Variants in NCBP1 observed in about 807,000 individuals in gnomAD.
The protein encoded by NCBP1 is nuclear cap binding protein subunit 1.
In NCBP1, 16 loss-of-function variants were observed where a neutral mutation model predicts 111.7. The ratio of observed to expected loss-of-function variants is 0.14; its 90% CI spans 0.10 to 0.22. The LOEUF (loss-of-function observed/expected upper bound fraction) is 0.22, where lower values mean the gene tolerates loss of function less well. Among genes scored for constraint, NCBP1 ranks in the 10% least tolerant of loss-of-function variants. The pLI is 1.00. For synonymous variants in NCBP1, 304 were observed against 314.3 expected (o/e 0.97, Z 0.35); for missense variants, 607 against 957.5 (o/e 0.63, Z 4.83).
chr9:97,655,430 A>C (rs1827624027), intron 12 of NCBP1, among the ~76,000 whole-genome samples: 1 of 151,956 alleles, frequency 6.6e-6, no homozygotes, highest in Non-Finnish European at 1.5e-5. Flanking sequence ...ATCATCTTTT[A>C]TATGGAGAAA....
At chr9:97,635,414 C>CTTTTTTTTTT (rs5899316) in intron 1 of NCBP1, among the ~76,000 whole-genome samples, 1 of 141,962 alleles carries the variant, frequency 7.0e-6, no homozygotes, top group African/African-American at 2.7e-5. Flanking sequence ...AATTCCCTCC[C>CTTTTTTTTTT]TTTTTTTTTT....
intron 6 of NCBP1, among the ~76,000 whole-genome samples, chr9:97,646,650 A>G (rs892956433): frequency 6.6e-6 from 1 of 152,098 alleles, no homozygotes; most frequent in Admixed American, 6.5e-5. Context: ...AGCCTGGCCA[A>G]CATGGTGAAA....
intron 15 of NCBP1, among the ~76,000 whole-genome samples, chr9:97,659,881 A>G (rs1564026619): frequency 6.6e-6 from 1 of 152,158 alleles, no homozygotes; most frequent in Non-Finnish European, 1.5e-5. Flanking sequence ...TTCTCCCCAC[A>G]TGGACCTCTA....
rs1587732755 is a variant in NCBP1 at position 97,672,260 on chromosome 9, C to A, written c.*1061C>A. 6.6e-6 allele frequency: 1 copy of A among 150,398 alleles called. No individual in the cohort carries two copies. The highest frequency in any genetic ancestry group is 2.2e-4 in the South Asian group (1 of 4,602). 9.3% of individuals were successfully genotyped at this position (150,398 alleles called of 1,614,324 possible). A position where few individuals can be genotyped will look rare whatever the true frequency, so the allele number is the denominator to read the frequency against. ...ACCTTAGAAAAAAATTACCAGTAATCCTACAACTACTGGTAGTGTTGTTGT... is the reference window on the plus strand; with the variant it reads ...ACCTTAGAAAAAAATTACCAGTAATACTACAACTACTGGTAGTGTTGTTGT... On this transcript the variant is annotated 3_prime_UTR_variant, in exon 23 of 23. Coordinates refer to ENST00000375147, the MANE Select transcript of NCBP1 (RefSeq NM_002486.5).
rs1038934639 is a variant in NCBP1 at position 97,670,018 on chromosome 9, G to A, written c.2259+312G>A. ...GCTCACTGCAACCTCCACCTCCTAG[G>A]TTTAAGCAATTCTTCTGCCTCAGCC... is the stretch of plus-strand genomic sequence containing the variant. On this transcript the variant is annotated intron_variant, in intron 22 of 22. Transcript: ENST00000375147. The A allele has an allele frequency of 3.0e-5, 12 of 395,928 alleles. No individual in the cohort carries two copies. In the Admixed American group the frequency reaches 3.6e-4, roughly 12 times the overall value. The allele number at this position is 395,928 out of a possible 1,614,324, so 24.5% of individuals were successfully genotyped here.
At chr9:97,635,208 T>C (rs549874497) in intron 1 of NCBP1, among the ~76,000 whole-genome samples, 1 of 152,342 alleles carries the variant, frequency 6.6e-6, no homozygotes, top group South Asian at 2.1e-4. Flanking sequence ...TCCAGCTTTC[T>C]ATCTGACACC....
intron 1 of NCBP1, among the ~76,000 whole-genome samples, chr9:97,638,363 T>G (rs1489209652): frequency 6.6e-6 from 1 of 152,192 alleles, no homozygotes; most frequent in Non-Finnish European, 1.5e-5. Context: ...ATTTTCTAGT[T>G]GTTTCTCAGA....
intron 19 of NCBP1, among the ~76,000 whole-genome samples, chr9:97,665,004 G>A (rs573987167): frequency 3.3e-5 from 5 of 152,296 alleles, no homozygotes; most frequent in African/African-American, 1.2e-4. Flanking sequence ...TTTGCTGTTT[G>A]GTTCTTATTT....
intron 20 of NCBP1, 130 bp downstream of exon 20, chr9:97,667,007 C>T: frequency 1.5e-6 from 1 of 653,546 alleles, no homozygotes; most frequent in Admixed American, 3.5e-5. Flanking sequence ...AGAAATTTTT[C>T]TGAGCCCAAT....
intron 5 of NCBP1, 105 bp downstream of exon 5, chr9:97,645,329 A>G (rs1283353899): frequency 3.3e-6 from 3 of 917,484 alleles, no homozygotes; most frequent in South Asian, 1.5e-5. Context: ...CCCATTAGCA[A>G]TAAAGAAAAA....
At chr9:97,642,935 ATTAG>A (rs1184725002) in intron 3 of NCBP1, among the ~76,000 whole-genome samples, 4 of 152,152 alleles carry the variant, frequency 2.6e-5, no homozygotes. Flanking sequence ...CTGTTGTAGC[ATTAG>A]TTTTATTTAT....
At chr9:97,647,388 AAATGT>A in intron 6 of NCBP1, 99 bp from the exon 7 acceptor site, 1 of 857,388 alleles carries the variant, frequency 1.2e-6, no homozygotes, top group East Asian at 2.6e-5. Context: ...CCAGTAGGTA[AAATGT>A]TATTTCATTG....
chr9:97,662,010 A>AT (rs747922931), intron 16 of NCBP1, 32 bp from the exon 17 acceptor site: 1 of 1,529,208 alleles, frequency 6.5e-7, no homozygotes, highest in Non-Finnish European at 9.1e-7. Flanking sequence ...CTGTGCTTAC[A>AT]TTTTTCTGTT....
chr9:97,663,297 T>A (rs1055317627), intron 18 of NCBP1, among the ~76,000 whole-genome samples: 10 of 152,358 alleles, frequency 6.6e-5, no homozygotes, highest in African/African-American at 2.4e-4. Flanking sequence ...AAAAGGTTTA[T>A]CTAGTCTATC....
At chr9:97,660,915 T>C in intron 15 of NCBP1, 31 bp from the exon 16 acceptor site, 1 of 1,589,790 alleles carries the variant, frequency 6.3e-7, no homozygotes, top group Non-Finnish European at 8.6e-7. Flanking sequence ...ACCTGATCTG[T>C]CATTCCCCTT....
At chr9:97,639,903 AGATGCTTGGTAAT>A (rs1480716492) in intron 1 of NCBP1, among the ~76,000 whole-genome samples, 14 of 152,072 alleles carry the variant, frequency 9.2e-5, no homozygotes, top group Admixed American at 2.0e-4. Context: ...TCAAAAAGAC[AGATGCTTGGTAAT>A]GATTTTAGAA....
rs532436532 is a variant in NCBP1, at chr9:97,658,739, T to C, written c.1473T>C (p.Ser491=). The C allele has an allele frequency of 8.8e-6, 14 of 1,591,922 alleles. No individual in the cohort carries two copies. The African/African-American group carries it at 1.3e-4, about 15-fold the overall frequency. ...GCATTTACAAGTATGGAGATGAAAG[T>C]AGCAGTAAGTAATGAAACTAATCCC... ...PTCIYKYGDE[S]SNSLPGHSVA... Residue 491 remains serine (S), a synonymous_variant, in exon 15 of 23, where the codon AGT becomes AGC. Transcript: ENST00000375147.
intron 15 of NCBP1, 42 bp downstream of exon 15, chr9:97,658,785 G>A: frequency 7.1e-7 from 1 of 1,406,988 alleles, no homozygotes; most frequent in Non-Finnish European, 1.0e-6. Context: ...AAAGGTACCA[G>A]TTCAAGTATA....
chr9:97,644,923 A>AT (rs200572317), intron 4 of NCBP1, among the ~76,000 whole-genome samples, 194 bp from the exon 5 acceptor site: 3 of 151,392 alleles, frequency 2.0e-5, no homozygotes, highest in East Asian at 1.9e-4. Flanking sequence ...AATACTCTTG[A>AT]TTTTTTTTTC....
Sources: allele counts gnomAD v4.1 joint callset (sites outside exome capture counted in the v4.1 genomes callset), GRCh38; gene constraint gnomAD v4.1.1; transcripts MANE v1.5; gene names NCBI Gene and HGNC (gene_info 2026-07-23, HGNC 2026-07-21).